Variants in NOX4 observed in about 807,000 individuals in gnomAD.
NOX4 encodes kidney oxidase-1.
A neutral mutation model predicts 87.6 loss-of-function variants in NOX4; 69 were observed. The ratio of observed to expected loss-of-function variants is 0.79; its 90% CI spans 0.65 to 0.96. The LOEUF (loss-of-function observed/expected upper bound fraction) is 0.96. NOX4 is among the 40% of genes least tolerant of loss of function. NOX4 has a pLI of 0.00. For missense variants in NOX4, 680 were observed against 681.5 expected (o/e 1.00, Z 0.02); for synonymous variants, 275 against 238.2 (o/e 1.15, Z -1.42).
At chr11:89,365,100 T>G (rs1938852149) in intron 12 of NOX4, among the ~76,000 whole-genome samples, 1 of 152,048 alleles carries the variant, frequency 6.6e-6, no homozygotes, top group African/African-American at 2.4e-5. Flanking sequence ...AAGAGAAAGC[T>G]TAGCAGGGTC....
At chr11:89,562,925 G>T in the NOX4 span, among the ~76,000 whole-genome samples, 1 of 152,154 alleles carries the variant, frequency 6.6e-6, no homozygotes, top group Admixed American at 6.5e-5. Flanking sequence ...TTTCCCCCAT[G>T]CTGTTCTCCT....
the NOX4 span, among the ~76,000 whole-genome samples, chr11:89,587,770 T>C: frequency 6.6e-6 from 1 of 152,160 alleles, no homozygotes; most frequent in African/African-American, 2.4e-5. Context: ...AAAATATCTA[T>C]CTCTACCAAT....
At chr11:89,534,336 C>T in the NOX4 span, among the ~76,000 whole-genome samples, 1 of 152,130 alleles carries the variant, frequency 6.6e-6, no homozygotes, top group Non-Finnish European at 1.5e-5. Context: ...CAAGGATAAA[C>T]CCTGAATATC....
chr11:89,406,859 T>C (rs1003491989), intron 8 of NOX4, among the ~76,000 whole-genome samples: 1 of 151,878 alleles, frequency 6.6e-6, no homozygotes, highest in African/African-American at 2.4e-5. Flanking sequence ...TATGATAACC[T>C]CTTGAGAGTA....
chr11:89,462,114 A>G (rs1410180936), intron 2 of NOX4, among the ~76,000 whole-genome samples: 1 of 152,040 alleles, frequency 6.6e-6, no homozygotes, highest in Admixed American at 6.5e-5. Flanking sequence ...TATTTTAAAG[A>G]TTTTATTTTA....
chr11:89,566,144 G>A, the NOX4 span, among the ~76,000 whole-genome samples: 6 of 150,674 alleles, frequency 4.0e-5, no homozygotes, highest in Non-Finnish European at 5.9e-5. Flanking sequence ...CCGGGTTCAC[G>A]CCATTCTCCT....
chr11:89,397,990 A>G (rs1941598970), intron 11 of NOX4, among the ~76,000 whole-genome samples: 1 of 152,174 alleles, frequency 6.6e-6, no homozygotes, highest in South Asian at 2.1e-4. Context: ...TCCTGATACC[A>G]AAGCCCGGTA....
chr11:89,394,308 A>G (rs181105276), intron 11 of NOX4, among the ~76,000 whole-genome samples: 2,180 of 151,786 alleles, frequency 0.014, 47 homozygotes, highest in African/African-American at 0.05. Flanking sequence ...AGGATTCATT[A>G]TACTATTCTC....
the NOX4 span, among the ~76,000 whole-genome samples, chr11:89,545,962 G>A: frequency 5.3e-5 from 8 of 152,214 alleles, no homozygotes; most frequent in Non-Finnish European, 7.4e-5. Flanking sequence ...GCCCCTGTAC[G>A]CCTATTACTT....
intron 15 of NOX4, among the ~76,000 whole-genome samples, chr11:89,338,734 T>C (rs1230851729): frequency 2.6e-5 from 4 of 152,134 alleles, no homozygotes; most frequent in African/African-American, 9.6e-5. Context: ...TAGGTTTCTC[T>C]ACCTTGATTT....
chr11:89,551,990 C>T, the NOX4 span, among the ~76,000 whole-genome samples: 1 of 152,060 alleles, frequency 6.6e-6, no homozygotes, highest in African/African-American at 2.4e-5. Context: ...TACACACACA[C>T]ACTCACACAC....
intron 8 of NOX4, among the ~76,000 whole-genome samples, chr11:89,407,427 G>A (rs1278491685): frequency 1.3e-5 from 2 of 152,066 alleles, no homozygotes; most frequent in Non-Finnish European, 2.9e-5. Flanking sequence ...ATTATATGAT[G>A]TTCCAAGGAG....
chr11:89,387,617 G>A (rs1188936064), intron 11 of NOX4, among the ~76,000 whole-genome samples: 1 of 152,068 alleles, frequency 6.6e-6, no homozygotes, highest in Non-Finnish European at 1.5e-5. Flanking sequence ...TGTAAACATC[G>A]ATTCATTACT....
intron 17 of NOX4, among the ~76,000 whole-genome samples, chr11:89,334,432 C>T (rs1389983091): frequency 6.6e-6 from 1 of 151,728 alleles, no homozygotes; most frequent in Non-Finnish European, 1.5e-5. Flanking sequence ...TTAAACATGA[C>T]TGTAATCTGA....
chr11:89,377,032 T>C (rs1939896788), intron 11 of NOX4, among the ~76,000 whole-genome samples: 1 of 152,212 alleles, frequency 6.6e-6, no homozygotes, highest in African/African-American at 2.4e-5. Context: ...CAGTCCAGCC[T>C]GGGCGACACA....
At chr11:89,488,472 A>G (rs1416688708) in intron 2 of NOX4, among the ~76,000 whole-genome samples, 2 of 152,156 alleles carry the variant, frequency 1.3e-5, no homozygotes, top group Non-Finnish European at 2.9e-5. Context: ...ACTTACCACC[A>G]AATTAAATTT....
intron 11 of NOX4, among the ~76,000 whole-genome samples, chr11:89,387,370 C>G (rs2135120870): frequency 6.6e-6 from 1 of 152,038 alleles, no homozygotes; most frequent in East Asian, 2.0e-4. Context: ...CCCATCCCTG[C>G]CCGCCAGAGA....
At chr11:89,348,078 G>A (rs1189533311) in intron 13 of NOX4, among the ~76,000 whole-genome samples, 2 of 152,106 alleles carry the variant, frequency 1.3e-5, no homozygotes, top group African/African-American at 2.4e-5. Flanking sequence ...GAGTTCAAGA[G>A]CAGCCTGTGC....
At chr11:89,529,265 A>T in the NOX4 span, among the ~76,000 whole-genome samples, 1 of 152,152 alleles carries the variant, frequency 6.6e-6, no homozygotes, top group Non-Finnish European at 1.5e-5. Context: ...TTTTGCAGGT[A>T]TATTTGTGTT....
Sources: gnomAD v4.1 joint callset for allele counts (sites outside exome capture counted in the v4.1 genomes callset) on GRCh38, gnomAD v4.1.1 for gene constraint, MANE v1.5 for transcripts, NCBI Gene and HGNC (gene_info 2026-07-23, HGNC 2026-07-21) for gene names.